The following SPATA17 variants were observed in gnomAD, a reference collection of about 807,000 sequenced individuals.
SPATA17 encodes spermatogenesis associated 17, also known as spermatogenesis-associated protein 17.
A neutral mutation model predicts 62.2 loss-of-function variants in SPATA17; 53 were observed. The observed-to-expected ratio is 0.85, with a 90% CI of 0.68 to 1.07. The LOEUF (loss-of-function observed/expected upper bound fraction) is 1.07, where lower values mean the gene tolerates loss of function less well. Ranked by LOEUF, SPATA17 falls within the 50% of genes least tolerant of loss-of-function variation. The pLI is 0.00. For synonymous variants in SPATA17, 146 were observed against 146.8 expected (o/e 0.99, Z 0.04); for missense variants, 466 against 425.5 (o/e 1.10, Z -0.84).
At chr1:217,802,332 C>T (rs149375245) in intron 9 of SPATA17, among the ~76,000 whole-genome samples, 25 of 152,262 alleles carry the variant, frequency 1.6e-4, no homozygotes, top group African/African-American at 5.5e-4. Context: ...TCCTGAGTGT[C>T]ATATGCACTT....
At chr1:217,753,209 G>C (rs571158324) in intron 6 of SPATA17, among the ~76,000 whole-genome samples, 31 of 152,260 alleles carry the variant, frequency 2.0e-4, no homozygotes, top group South Asian at 4.2e-4. Context: ...TGAAAGCAAG[G>C]GGCCCCAAAG....
chr1:217,804,340 C>T (rs1283834280), intron 9 of SPATA17, among the ~76,000 whole-genome samples: 2 of 152,138 alleles, frequency 1.3e-5, no homozygotes, highest in East Asian at 3.9e-4. Flanking sequence ...GATGAGAAAA[C>T]TGTATATCCA....
chr1:217,777,352 G>A (rs988971246), intron 7 of SPATA17, among the ~76,000 whole-genome samples: 1 of 151,982 alleles, frequency 6.6e-6, no homozygotes, highest in Non-Finnish European at 1.5e-5. Context: ...CCCTTGGACC[G>A]CTTTCTCCTT....
intron 4 of SPATA17, among the ~76,000 whole-genome samples, 185 bp downstream of exon 4, chr1:217,669,268 A>G (rs1250685043): frequency 1.3e-5 from 2 of 152,198 alleles, no homozygotes; most frequent in African/African-American, 4.8e-5. Flanking sequence ...ATTAGAGTAA[A>G]ATGTAAAACA....
chr1:217,833,109 T>C (rs1675182638), intron 9 of SPATA17, among the ~76,000 whole-genome samples: 1 of 152,176 alleles, frequency 6.6e-6, no homozygotes, highest in Non-Finnish European at 1.5e-5. Context: ...TTCATCATTA[T>C]TATATATCAT....
intron 4 of SPATA17, among the ~76,000 whole-genome samples, chr1:217,672,515 T>A (rs954566412): frequency 6.6e-6 from 1 of 152,202 alleles, no homozygotes; most frequent in African/African-American, 2.4e-5. Context: ...ATTGCTACCA[T>A]GACAACTAAA....
intron 6 of SPATA17, among the ~76,000 whole-genome samples, chr1:217,748,431 A>G (rs1482846112): frequency 6.6e-6 from 1 of 152,070 alleles, no homozygotes; most frequent in Non-Finnish European, 1.5e-5. Context: ...AAATCTTATA[A>G]GGTGAAAAAT....
chr1:217,667,041 T>A (rs1277132063), intron 3 of SPATA17, among the ~76,000 whole-genome samples: 1 of 144,412 alleles, frequency 6.9e-6, no homozygotes, highest in Non-Finnish European at 1.5e-5. Context: ...ATTTTACTTT[T>A]TTTTTTCTTT....
At chr1:217,765,252 C>A (rs1362478795) in intron 6 of SPATA17, among the ~76,000 whole-genome samples, 2 of 151,114 alleles carry the variant, frequency 1.3e-5, no homozygotes, top group Non-Finnish European at 3.0e-5. Context: ...TATTGATTTT[C>A]TGTTTTCAAT....
At position 217,718,534 on chromosome 1, in the gene SPATA17, G is replaced by A. The variant is rs1469703950; in HGVS notation, c.396-23441G>A. 2.0e-5 allele frequency among the ~76,000 whole-genome samples: 3 copies of A among 152,132 alleles called. No individual in the cohort carries two copies. In the East Asian group the frequency reaches 5.8e-4, roughly 29 times the overall value. On this transcript the variant is annotated intron_variant, in intron 5 of 10. Transcript: ENST00000366933. ...AAGGTCTCAGACTGATAGTGACCCAGGAACCTGACGGAAACATTTGAAAAG... is the reference window on the plus strand; with the variant it reads ...AAGGTCTCAGACTGATAGTGACCCAAGAACCTGACGGAAACATTTGAAAAG...
intron 4 of SPATA17, among the ~76,000 whole-genome samples, chr1:217,674,845 C>T (rs190501776): frequency 1.0e-3 from 152 of 152,194 alleles, no homozygotes; most frequent in African/African-American, 3.3e-3. Context: ...GAAGTTGGGT[C>T]GTCTCCCCTA....
chr1:217,776,702 C>A (rs1673596582), intron 7 of SPATA17, among the ~76,000 whole-genome samples: 1 of 148,226 alleles, frequency 6.7e-6, no homozygotes, highest in Admixed American at 6.7e-5. Flanking sequence ...AAAAAGATGT[C>A]AACCATGACC....
chr1:217,727,550 A>C (rs1268364640), intron 5 of SPATA17, among the ~76,000 whole-genome samples: 1 of 152,160 alleles, frequency 6.6e-6, no homozygotes, highest in East Asian at 1.9e-4. Context: ...TTTTTAGTAC[A>C]TAAATCTTCA....
intron 8 of SPATA17, among the ~76,000 whole-genome samples, chr1:217,796,555 C>G (rs961630287): frequency 6.6e-6 from 1 of 152,132 alleles, no homozygotes; most frequent in Non-Finnish European, 1.5e-5. Flanking sequence ...ATTTCTGTCT[C>G]CACCCTGGGG....
At chr1:217,726,054 G>C (rs187436399) in intron 5 of SPATA17, among the ~76,000 whole-genome samples, 60 of 152,198 alleles carry the variant, frequency 3.9e-4, no homozygotes, top group Non-Finnish European at 7.9e-4. Context: ...TTGGAGTAAT[G>C]TTATACCTTA....
rs1676086761 is a variant in SPATA17, at chr1:217,869,501, AT to A, written c.*2486del. Reference sequence around the variant, plus strand: ...AAAAAAGGTTCTCTACAGAATGTAGATTTTCCCCATAAGAGATAGCTTCGCA... The same window carrying A: ...AAAAAAGGTTCTCTACAGAATGTAGATTTCCCCATAAGAGATAGCTTCGCA... On this transcript the variant is annotated 3_prime_UTR_variant, in exon 11 of 11. Transcript: ENST00000366933. 1 of 152,104 alleles carries A rather than the reference AT, an allele frequency of 6.6e-6. No homozygotes were observed. The highest frequency in any genetic ancestry group is 1.5e-5 in the Non-Finnish European group (1 of 68,030). The allele number at this position is 152,104 out of a possible 1,614,324, so 9.4% of individuals were successfully genotyped here. A position where few individuals can be genotyped will look rare whatever the true frequency, so the allele number is the denominator to read the frequency against.
chr1:217,657,865 G>A (rs1439444630), intron 3 of SPATA17, among the ~76,000 whole-genome samples: 1 of 152,150 alleles, frequency 6.6e-6, no homozygotes, highest in Non-Finnish European at 1.5e-5. Context: ...AAAGTTTAAT[G>A]GACTCACAGT....
chr1:217,729,157 C>A (rs1406319909), intron 5 of SPATA17, among the ~76,000 whole-genome samples: 1 of 152,226 alleles, frequency 6.6e-6, no homozygotes, highest in African/African-American at 2.4e-5. Context: ...ATTTCTCTAT[C>A]TGCAGTAAAC....
chr1:217,679,246 A>C (rs1016529653), intron 4 of SPATA17, among the ~76,000 whole-genome samples: 19 of 152,288 alleles, frequency 1.2e-4, no homozygotes, highest in African/African-American at 4.6e-4. Flanking sequence ...TTCAAGTGGA[A>C]AGAGCGGGCT....
Sources: gnomAD v4.1 joint callset for allele counts (sites outside exome capture counted in the v4.1 genomes callset) on GRCh38, gnomAD v4.1.1 for gene constraint, MANE v1.5 for transcripts, NCBI Gene and HGNC (gene_info 2026-07-23, HGNC 2026-07-21) for gene names.